The following DENND2D variants were observed in gnomAD, a reference collection of about 807,000 sequenced individuals.
DENND2D encodes DENN domain containing 2D, also known as DENN domain-containing protein 2D.
DENND2D carries 37 observed loss-of-function variants against 59.8 expected under a neutral mutation model. The ratio of observed to expected loss-of-function variants is 0.62; its 90% CI spans 0.48 to 0.81. DENND2D has a LOEUF of 0.81. DENND2D is among the 40% of genes least tolerant of loss of function. DENND2D has a pLI of 0.00. For missense variants in DENND2D, 525 were observed against 579.7 expected, an observed-to-expected ratio of 0.91 and a Z score of 0.97; for synonymous variants, 219 against 211.3, an observed-to-expected ratio of 1.04 and a Z score of -0.31.
rs769803035 is a variant in DENND2D, at chr1:111,197,935, G to A, written c.411C>T (p.Tyr137=). ...CTGCACAGACCAAGAGGCGCCTGCA[G>A]TATCCAATCTTTCTGCTCCCATCCA... The part of the protein sequence containing the change: ...TNVDGSRKIG[Y]CRRLLPAGPG... The change falls in exon 4 of 12, where the codon TAC becomes TAT. Residue 137 remains tyrosine (Y), a synonymous_variant. Coordinates refer to ENST00000357640, the MANE Select transcript of DENND2D (RefSeq NM_024901.5). The A allele has an allele frequency of 1.2e-6, 2 of 1,613,956 alleles. No homozygotes were observed. Among genetic ancestry groups the A allele is most frequent in the East Asian group, 4.5e-5 (2 of 44,896 alleles).
At chr1:111,193,174 G>A (rs1036366424) in intron 7 of DENND2D, among the ~76,000 whole-genome samples, 7 of 152,166 alleles carry the variant, frequency 4.6e-5, no homozygotes, top group African/African-American at 1.4e-4. Flanking sequence ...GCACAGATGC[G>A]GGAATCCTTG....
chr1:111,195,007 C>T, intron 6 of DENND2D: 1 of 419,112 alleles, frequency 2.4e-6, no homozygotes, highest in Non-Finnish European at 4.3e-6. Context: ...TCCCATCTTT[C>T]CTGCCTGCAG....
chr1:111,200,336 C>CAGT, intron 1 of DENND2D, 57 bp downstream of exon 1: 1 of 1,577,288 alleles, frequency 6.3e-7, no homozygotes, highest in Non-Finnish European at 8.6e-7. Context: ...AAGGAAGAAA[C>CAGT]AGTCCCGCCT....
chr1:111,198,076 G>A (rs905723142), intron 3 of DENND2D, 87 bp from the exon 4 acceptor site: 27 of 1,323,718 alleles, frequency 2.0e-5, no homozygotes, highest in East Asian at 9.9e-5. Context: ...TGGAGAGGAG[G>A]GCAAAGGGGA....
Position 111,197,941 on chromosome 1 carries a change from A to G in DENND2D, c.405T>C (p.Ile135=), listed in dbSNP as rs1658405605. The G allele has an allele frequency of 6.2e-7, 1 of 1,614,098 alleles. No homozygotes were observed. The highest frequency in any genetic ancestry group is 2.2e-5 in the East Asian group (1 of 44,888). Residue 135 remains isoleucine, a synonymous_variant, in exon 4 of 12, where the codon ATT becomes ATC. Transcript: ENST00000357640. ...AGACCAAGAGGCGCCTGCAGTATCC[A>G]ATCTTTCTGCTCCCATCCACATTGG... is the stretch of plus-strand genomic sequence containing the variant. ...VLTNVDGSRK[I]GYCRRLLPAG...
rs1296124054 is a variant in DENND2D at position 111,197,294 on chromosome 1, C to T, written c.427-41G>A. On this transcript the variant is annotated intron_variant, in intron 4 of 11. Coordinates refer to ENST00000357640, the MANE Select transcript of DENND2D (RefSeq NM_024901.5). ...GAGGCTCCTTCAGTGCTGCAGCCTC[C>T]CCAAGGGCTTCTCCCAACTGGGTAT... 8 of 1,589,230 alleles carry T rather than the reference C, an allele frequency of 5.0e-6. No homozygotes were observed. In the South Asian group the frequency reaches 5.7e-5, roughly 11 times the overall value.
rs1658403771 is a variant in DENND2D, at chr1:111,197,924, A to G, written c.422T>C (p.Leu141Pro). 16 of 1,613,922 alleles carry G rather than the reference A, an allele frequency of 9.9e-6. No individual in the cohort carries two copies. The highest frequency in any genetic ancestry group is 1.4e-5 in the Non-Finnish European group (16 of 1,180,024). Reference sequence around the variant, plus strand: ...GCAGTTCTGAGCTGCACAGACCAAGAGGCGCCTGCAGTATCCAATCTTTCT... The same window carrying G: ...GCAGTTCTGAGCTGCACAGACCAAGGGGCGCCTGCAGTATCCAATCTTTCT... ...GSRKIGYCRR[L>P]LPAGPGPRLP... Residue 141 changes from leucine to proline, a missense_variant, in exon 4 of 12, where the codon CTC becomes CCC. Physicochemically the swap from Leu to Pro is moderately conservative, Grantham distance 98. Around this residue, in one of 3 missense-constraint regions of DENND2D, gnomAD observed 253 missense variants for 246.4 expected, o/e 1.03. Transcript: ENST00000357640.
Position 111,192,180 on chromosome 1 carries a change from A to C in DENND2D, c.932T>G (p.Met311Arg). 2 of 1,613,334 alleles carry C rather than the reference A, an allele frequency of 1.2e-6. No homozygotes were observed. Among genetic ancestry groups the C allele is most frequent in the Non-Finnish European group, 1.7e-6 (2 of 1,179,546 alleles). The part of the protein sequence containing the change: ...CPTPFMVGVQ[M>R]RFQQEVMDSP... Reference sequence around the variant, plus strand: ...GTCCATGACCTCCTGCTGGAAGCGCATTTGTACTCCAACCATGAAGGGGGT... The same window carrying C: ...GTCCATGACCTCCTGCTGGAAGCGCCTTTGTACTCCAACCATGAAGGGGGT... The change falls in exon 8 of 12, where the codon ATG (methionine) becomes AGG (arginine). Residue 311 changes from methionine (M) to arginine (R), a missense_variant. This residue lies in a region of DENND2D where 225 missense variants were observed against 252.4 expected (regional missense o/e 0.89). Coordinates refer to ENST00000357640, the MANE Select transcript of DENND2D (RefSeq NM_024901.5).
intron 8 of DENND2D, among the ~76,000 whole-genome samples, chr1:111,190,279 C>G (rs1290971088): frequency 6.6e-6 from 1 of 151,838 alleles, no homozygotes; most frequent in Non-Finnish European, 1.5e-5. Context: ...AGTGAGGAGA[C>G]CATGTGTCTA....
chr1:111,198,051 G>A, intron 3 of DENND2D, 62 bp from the exon 4 acceptor site: 2 of 1,547,674 alleles, frequency 1.3e-6, no homozygotes, highest in Non-Finnish European at 1.8e-6. Flanking sequence ...CAGGAAAGTG[G>A]TCAGCACTAG....
upstream of DENND2D, chr1:111,204,184 T>C (rs1349783453): frequency 1.7e-6 from 2 of 1,173,794 alleles, no homozygotes; most frequent in African/African-American, 3.3e-5. Flanking sequence ...TTCCAACTGC[T>C]CCCGGATCTC....
chr1:111,192,251 G>T lies in DENND2D; in HGVS notation c.861C>A (p.Tyr287Ter). Residue 287 changes from tyrosine (Y) to a stop codon, truncating the protein, a stop_gained, in exon 8 of 12, where the codon TAC becomes TAA. Transcript: ENST00000357640. LOFTEE classifies it high-confidence loss of function. Reference protein sequence around the residue: ...LLYPFSWAHTYIPVVPESLLA... With the variant: ...LLYPFSWAHT ...GAAGGCTCTCAGGGACAACAGGGAT[G>T]TAGGTGTGCGCCCAGCTGAAGGGGT... The T allele has an allele frequency of 6.2e-7, 1 of 1,614,072 alleles. No individual in the cohort carries two copies. The highest frequency in any genetic ancestry group is 8.5e-7 in the Non-Finnish European group (1 of 1,179,950).
chr1:111,186,712 T>TG lies in DENND2D; in HGVS notation c.*892dup, dbSNP rs1657270581. Among the ~76,000 whole-genome samples, 1 of 152,162 alleles carries TG rather than the reference T, an allele frequency of 6.6e-6. No individual in the cohort carries two copies. On this transcript the variant is annotated 3_prime_UTR_variant, in exon 12 of 12. Transcript: ENST00000357640. ...ATCCCTTCACCTTTAGTTAAAGAAT[T>TG]GGACTGTGCTGCTCAAAATAAAGAT...
intron 5 of DENND2D, 103 bp from the exon 6 acceptor site, chr1:111,196,159 T>C: frequency 7.1e-7 from 1 of 1,417,542 alleles, no homozygotes; most frequent in Non-Finnish European, 9.4e-7. Flanking sequence ...CTCATACTGG[T>C]TCAGCTGATC....
At chr1:111,190,274 G>A (rs888902884) in intron 8 of DENND2D, among the ~76,000 whole-genome samples, 1 of 152,006 alleles carries the variant, frequency 6.6e-6, no homozygotes, top group Non-Finnish European at 1.5e-5. Context: ...AAGGAAGTGA[G>A]GAGACCATGT....
rs767598997 is a variant in DENND2D at position 111,188,738 on chromosome 1, A to G, written c.1063T>C (p.Leu355=). The G allele has an allele frequency of 2.0e-5, 33 of 1,614,042 alleles. No homozygotes were observed. The highest frequency in any genetic ancestry group is 2.5e-5 in the Non-Finnish European group (30 of 1,180,030). Residue 355 remains leucine, a synonymous_variant, in exon 10 of 12, where the codon TTA becomes CTA. Transcript: ENST00000357640. The part of the protein sequence containing the change: ...ILPPKLQDDI[L]DSLGQGINEL... Reference sequence around the variant, plus strand: ...TTGATCCCCTGACCAAGAGAGTCTAAGATGTCATCCTGAAGCTTCGGTGGC... The same window carrying G: ...TTGATCCCCTGACCAAGAGAGTCTAGGATGTCATCCTGAAGCTTCGGTGGC...
In DENND2D at chr1:111,187,411, C is replaced by T; in HGVS notation, c.*194G>A. 1 of 588,588 alleles carries T rather than the reference C, an allele frequency of 1.7e-6. No homozygotes were observed. Among genetic ancestry groups the T allele is most frequent in the Non-Finnish European group, 3.0e-6 (1 of 329,132 alleles). The allele number at this position is 588,588 out of a possible 1,614,324, so 36.5% of individuals were successfully genotyped here. A position where few individuals can be genotyped will look rare whatever the true frequency, so the allele number is the denominator to read the frequency against. On this transcript the variant is annotated 3_prime_UTR_variant, in exon 12 of 12. Transcript: ENST00000357640. The stretch of plus-strand genomic sequence containing the variant: ...CAGTTCTGTGAGCATGGTGTCAGAG[C>T]CCTCCAAAGTCCTGAGAAATCAATA...
Position 111,187,391 on chromosome 1 carries a change from C to T in DENND2D, c.*214G>A, listed in dbSNP as rs1017295966. The T allele has an allele frequency of 1.4e-5, 8 of 563,580 alleles. No homozygotes were observed. The African/African-American group carries it at 1.5e-4, about 11-fold the overall frequency. 34.9% of individuals were successfully genotyped at this position (563,580 alleles called of 1,614,324 possible). ...AAAAAATGGAGCTCTGAGCCCAGTTCTGTGAGCATGGTGTCAGAGCCCTCC... is the reference window on the plus strand; with the variant it reads ...AAAAAATGGAGCTCTGAGCCCAGTTTTGTGAGCATGGTGTCAGAGCCCTCC... On this transcript the variant is annotated 3_prime_UTR_variant, in exon 12 of 12. Coordinates refer to ENST00000357640, the MANE Select transcript of DENND2D (RefSeq NM_024901.5).
intron 7 of DENND2D, among the ~76,000 whole-genome samples, chr1:111,193,013 C>A (rs977355109): frequency 9.9e-5 from 15 of 152,218 alleles, no homozygotes; most frequent in African/African-American, 3.4e-4. Flanking sequence ...TGAAGCATTT[C>A]TCGTCACTCC....
Sources: allele counts gnomAD v4.1 joint callset (sites outside exome capture counted in the v4.1 genomes callset), GRCh38; gene constraint gnomAD v4.1.1; regional missense constraint gnomAD v4.1.1; transcripts MANE v1.5; gene names NCBI Gene and HGNC (gene_info 2026-07-23, HGNC 2026-07-21).